WDR70: variants seen among roughly 807,000 people sequenced by gnomAD.
WDR70 encodes WD repeat-containing protein 70.
A neutral mutation model predicts 88.6 loss-of-function variants in WDR70; 53 were observed. The ratio of observed to expected loss-of-function variants is 0.60; its 90% CI spans 0.48 to 0.75. The LOEUF (loss-of-function observed/expected upper bound fraction) is 0.75, where lower values mean the gene tolerates loss of function less well. WDR70 is among the 30% of genes least tolerant of loss of function. The probability of loss-of-function intolerance (pLI) is 0.00; values close to 1 mark genes in which losing one functional copy is unlikely to be tolerated. For synonymous variants in WDR70, 280 were observed against 270.0 expected (o/e 1.04, Z -0.36); for missense variants, 610 against 823.2 (o/e 0.74, Z 3.17).
chr5:37,431,041 A>G (rs1055330650), intron 5 of WDR70, among the ~76,000 whole-genome samples: 6 of 151,836 alleles, frequency 4.0e-5, no homozygotes, highest in African/African-American at 1.5e-4. Context: ...TTTACTAGTG[A>G]TGGGGTTTCA....
At chr5:37,621,905 A>G (rs375094169) in intron 10 of WDR70, among the ~76,000 whole-genome samples, 27 of 152,238 alleles carry the variant, frequency 1.8e-4, no homozygotes, top group African/African-American at 6.0e-4. Context: ...TAATTTTTGT[A>G]TAAGGTGTAA....
intron 10 of WDR70, among the ~76,000 whole-genome samples, chr5:37,693,792 A>G (rs955947751): frequency 1.3e-4 from 20 of 152,244 alleles, no homozygotes; most frequent in African/African-American, 4.8e-4. Flanking sequence ...GGACATAGGC[A>G]TGGGCAAGGA....
intron 9 of WDR70, among the ~76,000 whole-genome samples, chr5:37,518,732 G>C (rs1488166883): frequency 6.7e-6 from 1 of 149,720 alleles, no homozygotes; most frequent in Non-Finnish European, 1.5e-5. Context: ...GTGTTTCTCG[G>C]AGAGGGGGAT....
chr5:37,630,704 A>G (rs1050162676), intron 10 of WDR70, among the ~76,000 whole-genome samples: 5 of 152,176 alleles, frequency 3.3e-5, no homozygotes, highest in African/African-American at 1.2e-4. Flanking sequence ...TGGGATTGTG[A>G]CATTCATATA....
chr5:37,675,471 C>A (rs1438512640), intron 10 of WDR70, among the ~76,000 whole-genome samples: 6 of 152,140 alleles, frequency 3.9e-5, no homozygotes, highest in Non-Finnish European at 7.3e-5. Context: ...GTTTTCCCAG[C>A]ACCATTTCTT....
intron 10 of WDR70, among the ~76,000 whole-genome samples, chr5:37,653,758 T>G (rs963522146): frequency 2.0e-5 from 3 of 152,178 alleles, no homozygotes; most frequent in Non-Finnish European, 4.4e-5. Flanking sequence ...TGATGGTAGT[T>G]TGTATTTCTG....
intron 10 of WDR70, among the ~76,000 whole-genome samples, chr5:37,682,521 GTT>G (rs201045695): frequency 0.027 from 1,806 of 67,330 alleles, 17 homozygotes; most frequent in Non-Finnish European, 0.053. Context: ...ATGTTAGGTT[GTT>G]AAGTTGAGAT....
intron 8 of WDR70, among the ~76,000 whole-genome samples, chr5:37,505,160 C>G (rs1740523122): frequency 6.6e-6 from 1 of 152,146 alleles, no homozygotes; most frequent in African/African-American, 2.4e-5. Flanking sequence ...ATTACATTGT[C>G]TTTTATCAGG....
At chr5:37,742,030 CTT>C (rs1748497142) in intron 17 of WDR70, among the ~76,000 whole-genome samples, 1 of 152,166 alleles carries the variant, frequency 6.6e-6, no homozygotes, top group Admixed American at 6.5e-5. Context: ...TGCTTCTACT[CTT>C]TGGCTCTTGT....
At chr5:37,454,616 A>G (rs889651764) in intron 7 of WDR70, among the ~76,000 whole-genome samples, 6 of 152,228 alleles carry the variant, frequency 3.9e-5, no homozygotes, top group African/African-American at 1.4e-4. Flanking sequence ...TCAATGCTGT[A>G]GTCATAAAGT....
intron 5 of WDR70, among the ~76,000 whole-genome samples, chr5:37,407,383 C>T (rs1026177198): frequency 5.3e-5 from 8 of 151,920 alleles, no homozygotes; most frequent in Middle Eastern, 3.4e-3. Context: ...AATAATTAGC[C>T]GGGTGTAGTG....
At chr5:37,713,666 A>T (rs904498128) in intron 13 of WDR70, among the ~76,000 whole-genome samples, 2 of 151,966 alleles carry the variant, frequency 1.3e-5, no homozygotes, top group African/African-American at 4.8e-5. Context: ...CCTCTATAAA[A>T]TATAAAAAAA....
intron 3 of WDR70, among the ~76,000 whole-genome samples, chr5:37,386,327 C>T (rs184356503): frequency 2.4e-4 from 37 of 152,190 alleles, no homozygotes; most frequent in African/African-American, 8.4e-4. Flanking sequence ...TTGGCTATGT[C>T]GGCTTTTTGT....
chr5:37,443,775 C>CT, intron 7 of WDR70, among the ~76,000 whole-genome samples: 1 of 152,166 alleles, frequency 6.6e-6, no homozygotes, highest in African/African-American at 2.4e-5. Context: ...TTGCTCTAGC[C>CT]TGAGGGGTGG....
chr5:37,545,614 C>T (rs1741967021), intron 9 of WDR70, among the ~76,000 whole-genome samples: 1 of 151,690 alleles, frequency 6.6e-6, no homozygotes, highest in Admixed American at 6.6e-5. Flanking sequence ...CTCCCTGCAA[C>T]CTCCGCCTCC....
chr5:37,409,477 C>T (rs13178300), intron 5 of WDR70, among the ~76,000 whole-genome samples: 26,695 of 151,428 alleles, frequency 0.18, 2,837 homozygotes, highest in East Asian at 0.39. Flanking sequence ...TCCTTGCTCC[C>T]ACTAACAAAT....
intron 8 of WDR70, among the ~76,000 whole-genome samples, chr5:37,481,330 G>C (rs4504403): frequency 0.42 from 62,987 of 151,320 alleles, 15,164 homozygotes; most frequent in Non-Finnish European, 0.54. Flanking sequence ...ATCCATGAGG[G>C]CCCCCCCCGC....
chr5:37,557,282 A>C (rs571388385), intron 9 of WDR70, among the ~76,000 whole-genome samples: 3 of 152,254 alleles, frequency 2.0e-5, no homozygotes, highest in Admixed American at 2.0e-4. Flanking sequence ...TGACCAGCCA[A>C]GTAGCTATTG....
intron 9 of WDR70, among the ~76,000 whole-genome samples, chr5:37,534,600 C>T (rs1009932670): frequency 1.3e-5 from 2 of 150,430 alleles, no homozygotes; most frequent in Non-Finnish European, 2.9e-5. Flanking sequence ...TGGGTTCAAG[C>T]GATTATCCTG....
Sources: gnomAD v4.1 joint callset for allele counts (sites outside exome capture counted in the v4.1 genomes callset) on GRCh38, gnomAD v4.1.1 for gene constraint, MANE v1.5 for transcripts, NCBI Gene and HGNC (gene_info 2026-07-23, HGNC 2026-07-21) for gene names.